TAFA2: variants seen among roughly 807,000 people sequenced by gnomAD.
TAFA2 encodes the protein TAFA chemokine like family member 2.
In TAFA2, 7 loss-of-function variants were observed where a neutral mutation model predicts 18.8. That is an observed-to-expected ratio of 0.37 (90% CI 0.21 to 0.70). TAFA2 has a LOEUF of 0.70. TAFA2 is among the 30% of genes least tolerant of loss of function. The pLI is 0.53. For synonymous variants in TAFA2, 60 were observed against 54.2 expected (o/e 1.11, Z -0.47); for missense variants, 122 against 158.1 (o/e 0.77, Z 1.23).
At chr12:61,752,339 T>C (rs1239024335) in intron 4 of TAFA2, among the ~76,000 whole-genome samples, 1 of 152,044 alleles carries the variant, frequency 6.6e-6, no homozygotes, top group Non-Finnish European at 1.5e-5. Flanking sequence ...AAAAATTTGT[T>C]TCAGAATCTC....
At chr12:61,922,646 G>A (rs1384832208) in intron 1 of TAFA2, among the ~76,000 whole-genome samples, 2 of 152,096 alleles carry the variant, frequency 1.3e-5, no homozygotes, top group African/African-American at 4.8e-5. Flanking sequence ...CAGGGCCCTG[G>A]GTTTCAAGCA....
chr12:62,132,536 A>T (rs1870733085), intron 1 of TAFA2, among the ~76,000 whole-genome samples: 2 of 152,018 alleles, frequency 1.3e-5, no homozygotes, highest in Admixed American at 1.3e-4. Flanking sequence ...TAATAAATAC[A>T]ATTATCTCCA....
At chr12:62,079,526 T>C (rs1868288057) in intron 1 of TAFA2, among the ~76,000 whole-genome samples, 1 of 150,372 alleles carries the variant, frequency 6.7e-6, no homozygotes, top group Admixed American at 6.6e-5. Flanking sequence ...TAGCCAGACA[T>C]AGTGGCATGT....
intron 1 of TAFA2, among the ~76,000 whole-genome samples, chr12:62,210,924 C>T (rs80170375): frequency 2.6e-5 from 4 of 151,658 alleles, no homozygotes; most frequent in South Asian, 4.2e-4. Context: ...ATACACCCCC[C>T]GCCCCCCAAA....
At chr12:61,945,994 G>A (rs1101065) in intron 1 of TAFA2, among the ~76,000 whole-genome samples, 15,607 of 99,750 alleles carry the variant, frequency 0.16, 1,014 homozygotes, top group African/African-American at 0.33. Flanking sequence ...AGCCCGCATC[G>A]CCAAGTCAAT....
chr12:62,123,385 G>C (rs1870299251), intron 1 of TAFA2, among the ~76,000 whole-genome samples: 1 of 151,788 alleles, frequency 6.6e-6, no homozygotes, highest in African/African-American at 2.4e-5. Context: ...TAAGGTAATA[G>C]ACTGAAGAAG....
At position 62,068,548 on chromosome 12, in the gene TAFA2, T is replaced by C. The variant is rs57964294; in HGVS notation, c.-2+122711A>G. ...AAATCTTCTACCTGTCTCTTTGAAA[T>C]AGGTCTTACAATAGTTAAGCAAGGG... On this transcript the variant is annotated intron_variant, in intron 1 of 4. Coordinates refer to ENST00000416284, the MANE Select transcript of TAFA2 (RefSeq NM_178539.5). 3.1e-3 allele frequency among the ~76,000 whole-genome samples: 473 copies of C among 152,284 alleles called. 3 individuals are homozygous for C. The highest frequency in any genetic ancestry group is 0.011 in the African/African-American group (459 of 41,568).
At chr12:61,869,436 T>C (rs550688972) in intron 1 of TAFA2, among the ~76,000 whole-genome samples, 7 of 152,322 alleles carry the variant, frequency 4.6e-5, no homozygotes, top group African/African-American at 1.7e-4. Context: ...TAATCATTAC[T>C]CAGTCAGACT....
At chr12:62,092,662 G>A (rs1366236239) in intron 1 of TAFA2, among the ~76,000 whole-genome samples, 1 of 151,960 alleles carries the variant, frequency 6.6e-6, no homozygotes, top group Non-Finnish European at 1.5e-5. Context: ...AAAAGGATTT[G>A]AAATATGGTA....
chr12:62,121,344 C>T (rs1475468067), intron 1 of TAFA2, among the ~76,000 whole-genome samples: 2 of 152,080 alleles, frequency 1.3e-5, no homozygotes, highest in South Asian at 2.1e-4. Flanking sequence ...CAAAAATTTG[C>T]GCTTGTAGTC....
rs1006635722 is a variant in TAFA2, at chr12:61,725,612, C to T, written c.385-15195G>A. Among the ~76,000 whole-genome samples the T allele has an allele frequency of 2.6e-5, 4 of 152,048 alleles. No individual in the cohort carries two copies. In the South Asian group the frequency reaches 6.2e-4, roughly 24 times the overall value. ...TAGCTATAAGTATTTTGCTTCATTTCTGGGTTCTGTATTCTGTTCCATTGG... is the reference window on the plus strand; with the variant it reads ...TAGCTATAAGTATTTTGCTTCATTTTTGGGTTCTGTATTCTGTTCCATTGG... On this transcript the variant is annotated intron_variant, in intron 4 of 4. Coordinates refer to ENST00000416284, the MANE Select transcript of TAFA2 (RefSeq NM_178539.5).
At chr12:61,930,162 A>T (rs866072222) in intron 1 of TAFA2, among the ~76,000 whole-genome samples, 6 of 152,074 alleles carry the variant, frequency 3.9e-5, no homozygotes, top group Middle Eastern at 3.2e-3. Context: ...TAATAAAAAA[A>T]TAAATAAATA....
intron 2 of TAFA2, among the ~76,000 whole-genome samples, chr12:61,778,471 AC>A: frequency 6.6e-6 from 1 of 151,706 alleles, no homozygotes; most frequent in East Asian, 2.0e-4. Context: ...CAGATTCCAT[AC>A]CACACCTCCC....
intron 1 of TAFA2, among the ~76,000 whole-genome samples, chr12:61,929,154 T>C (rs1159863631): frequency 7.1e-6 from 1 of 141,794 alleles, no homozygotes; most frequent in African/African-American, 2.7e-5. Flanking sequence ...ACTTAAAGTA[T>C]AATTTAAAAA....
At chr12:61,959,311 C>T (rs982218648) in intron 1 of TAFA2, among the ~76,000 whole-genome samples, 2 of 151,942 alleles carry the variant, frequency 1.3e-5, no homozygotes, top group Non-Finnish European at 2.9e-5. Flanking sequence ...CATGCTATGC[C>T]TAATCCTTTA....
intron 1 of TAFA2, among the ~76,000 whole-genome samples, chr12:62,154,883 A>G (rs1457591250): frequency 6.6e-6 from 1 of 152,144 alleles, no homozygotes; most frequent in African/African-American, 2.4e-5. Context: ...ATGACAGGTG[A>G]AATAGGACAA....
intron 1 of TAFA2, among the ~76,000 whole-genome samples, chr12:62,240,250 C>G (rs1015227944): frequency 6.6e-6 from 1 of 151,838 alleles, no homozygotes; most frequent in Non-Finnish European, 1.5e-5. Flanking sequence ...GAAACCCTGT[C>G]TCTATTAAAA....
At chr12:62,016,088 A>T (rs1208491731) in intron 1 of TAFA2, among the ~76,000 whole-genome samples, 1 of 152,204 alleles carries the variant, frequency 6.6e-6, no homozygotes, top group Non-Finnish European at 1.5e-5. Context: ...TACAAAAAGA[A>T]CTGTGTCACA....
intron 2 of TAFA2, among the ~76,000 whole-genome samples, chr12:61,755,768 T>C (rs192515116): frequency 6.6e-6 from 1 of 152,220 alleles, no homozygotes; most frequent in East Asian, 1.9e-4. Flanking sequence ...ATAAGGACAC[T>C]AAGTGTGTTG....
Sources: gnomAD v4.1 joint callset for allele counts (sites outside exome capture counted in the v4.1 genomes callset) on GRCh38, gnomAD v4.1.1 for gene constraint, MANE v1.5 for transcripts, NCBI Gene and HGNC (gene_info 2026-07-23, HGNC 2026-07-21) for gene names.